ARHGAP26: variants seen among roughly 807,000 people sequenced by gnomAD.
ARHGAP26 encodes the protein rho GTPase-activating protein 26.
In ARHGAP26, 38 loss-of-function variants were observed where a neutral mutation model predicts 104.8. The ratio of observed to expected loss-of-function variants is 0.36; its 90% CI spans 0.28 to 0.48. ARHGAP26 has a LOEUF of 0.48. Among genes scored for constraint, ARHGAP26 ranks in the 20% least tolerant of loss-of-function variants. The pLI is 0.99. For synonymous variants in ARHGAP26, 341 were observed against 340.0 expected (o/e 1.00, Z -0.03); for missense variants, 704 against 947.9 (o/e 0.74, Z 3.38).
chr5:142,771,224 G>T (rs560527909), intron 1 of ARHGAP26: 26 of 1,259,828 alleles, frequency 2.1e-5, no homozygotes, highest in Non-Finnish European at 2.3e-5. Context: ...CAGCAGTGGG[G>T]CCAGAGTGCC....
chr5:143,181,445 C>CG (rs1396217353), intron 20 of ARHGAP26, among the ~76,000 whole-genome samples: 3 of 152,322 alleles, frequency 2.0e-5, no homozygotes, highest in African/African-American at 7.2e-5. Flanking sequence ...CTCCTTACAC[C>CG]TTCCTCCTCC....
At chr5:142,900,373 T>C (rs1760135676) in intron 6 of ARHGAP26, among the ~76,000 whole-genome samples, 1 of 152,166 alleles carries the variant, frequency 6.6e-6, no homozygotes, top group African/African-American at 2.4e-5. Flanking sequence ...GATAGTTTTA[T>C]AGCCAGAGGA....
At chr5:142,912,461 G>A (rs1166377392) in intron 9 of ARHGAP26, among the ~76,000 whole-genome samples, 1 of 152,208 alleles carries the variant, frequency 6.6e-6, no homozygotes, top group Non-Finnish European at 1.5e-5. Flanking sequence ...GGGGATGATG[G>A]AATTGTTTGC....
chr5:143,207,176 T>C, intron 20 of ARHGAP26, 22 bp from the exon 21 acceptor site: 1 of 1,608,096 alleles, frequency 6.2e-7, no homozygotes, highest in Non-Finnish European at 8.5e-7. Flanking sequence ...CTGACAAGTT[T>C]TCTGGTTGTT....
chr5:142,971,403 G>C (rs1180039783), intron 11 of ARHGAP26, among the ~76,000 whole-genome samples: 1 of 152,196 alleles, frequency 6.6e-6, no homozygotes, highest in Non-Finnish European at 1.5e-5. Context: ...TTAGGAGACT[G>C]CTACCCGGTT....
chr5:143,198,858 C>G (rs1807261056), intron 20 of ARHGAP26, among the ~76,000 whole-genome samples: 1 of 152,116 alleles, frequency 6.6e-6, no homozygotes, highest in African/African-American at 2.4e-5. Context: ...CAGGTTTGTT[C>G]CATGGGTATA....
chr5:142,941,145 C>T (rs1038704503), intron 11 of ARHGAP26, among the ~76,000 whole-genome samples: 17 of 144,354 alleles, frequency 1.2e-4, no homozygotes, highest in African/African-American at 3.6e-4. Flanking sequence ...ATTGCTAGGT[C>T]GAATGGTAGT....
At chr5:142,791,585 T>G (rs1171644970) in intron 1 of ARHGAP26, among the ~76,000 whole-genome samples, 4 of 152,156 alleles carry the variant, frequency 2.6e-5, no homozygotes, top group Non-Finnish European at 4.4e-5. Flanking sequence ...GACAAAGCCG[T>G]TTGTTTGTGT....
intron 4 of ARHGAP26, among the ~76,000 whole-genome samples, chr5:142,883,751 T>C (rs1334522605): frequency 1.3e-5 from 2 of 152,256 alleles, no homozygotes; most frequent in Non-Finnish European, 2.9e-5. Flanking sequence ...ATGCCTTTCC[T>C]GGGTGCCCTA....
At chr5:142,874,420 A>G (rs1267053905) in intron 2 of ARHGAP26, among the ~76,000 whole-genome samples, 1 of 152,234 alleles carries the variant, frequency 6.6e-6, no homozygotes, top group Non-Finnish European at 1.5e-5. Flanking sequence ...GGGGCTGAGT[A>G]CAGGCAATTG....
At chr5:142,964,924 A>G (rs1771041933) in intron 11 of ARHGAP26, among the ~76,000 whole-genome samples, 1 of 152,094 alleles carries the variant, frequency 6.6e-6, no homozygotes, top group Admixed American at 6.6e-5. Flanking sequence ...GGTGGCCCCG[A>G]ATGTCTGGCT....
chr5:142,934,599 T>C (rs1223732938), intron 11 of ARHGAP26, among the ~76,000 whole-genome samples: 1 of 152,228 alleles, frequency 6.6e-6, no homozygotes, highest in Non-Finnish European at 1.5e-5. Flanking sequence ...ATCTCCCTAA[T>C]GAGTTAAATC....
chr5:142,885,258 G>A lies in ARHGAP26; in HGVS notation c.385-40G>A, dbSNP rs367676795. On this transcript the variant is annotated intron_variant, in intron 4 of 22. Transcript: ENST00000645722. The stretch of plus-strand genomic sequence containing the variant: ...TGGAGGCTGCTTTTATTCCTGCAAC[G>A]TGTTACTCTTTTTCTTTTTCTCTTC... The A allele has an allele frequency of 5.0e-5, 77 of 1,552,286 alleles. No individual in the cohort carries two copies. In the African/African-American group the frequency reaches 6.0e-4, roughly 12 times the overall value.
chr5:143,160,811 C>T (rs1599298914), intron 20 of ARHGAP26, among the ~76,000 whole-genome samples: 1 of 152,044 alleles, frequency 6.6e-6, no homozygotes, highest in Admixed American at 6.6e-5. Context: ...AAATTAAGGC[C>T]ATTGGTCATT....
At chr5:142,993,246 T>A (rs1007384072) in intron 11 of ARHGAP26, among the ~76,000 whole-genome samples, 4 of 146,150 alleles carry the variant, frequency 2.7e-5, no homozygotes, top group African/African-American at 1.0e-4. Flanking sequence ...CTCGGCTCAC[T>A]GCAAGCTCCG....
At chr5:143,170,116 G>T (rs984551227) in intron 20 of ARHGAP26, 2 of 152,170 alleles carry the variant, frequency 1.3e-5, no homozygotes, top group Non-Finnish European at 2.9e-5. Context: ...AGAACAAATG[G>T]CAAACACCGG....
rs888980876 is a variant in ARHGAP26 at position 143,057,207 on chromosome 5, G to C, written c.1433-435G>C. ...CATTTCCTTTGATATCTTTGATGCT[G>C]TCTCAAGGTGTTATTTTGATATTTG... On this transcript the variant is annotated intron_variant, in intron 16 of 22. Transcript: ENST00000645722. Among the ~76,000 whole-genome samples, 9 of 152,180 alleles carry C rather than the reference G, an allele frequency of 5.9e-5. 1 individual carries two copies. Among genetic ancestry groups the C allele is most frequent in the African/African-American group, 2.2e-4 (9 of 41,440 alleles).
intron 20 of ARHGAP26, among the ~76,000 whole-genome samples, chr5:143,163,866 A>G (rs1285589117): frequency 1.3e-5 from 2 of 152,118 alleles, no homozygotes; most frequent in African/African-American, 4.8e-5. Context: ...TGAGACCTCT[A>G]TGGCTCTAAT....
intron 17 of ARHGAP26, among the ~76,000 whole-genome samples, chr5:143,117,501 G>A (rs760524248): frequency 2.0e-4 from 31 of 152,190 alleles, no homozygotes; most frequent in South Asian, 6.2e-4. Context: ...TCAGTGTGCC[G>A]AAAGATAATG....
Sources: allele counts gnomAD v4.1 joint callset (sites outside exome capture counted in the v4.1 genomes callset), GRCh38; gene constraint gnomAD v4.1.1; transcripts MANE v1.5; gene names NCBI Gene and HGNC (gene_info 2026-07-23, HGNC 2026-07-21).